Variants in RTKN2 observed in about 807,000 individuals in gnomAD.
RTKN2 encodes rhotekin 2, also known as rhotekin-2.
In RTKN2, 69 loss-of-function variants were observed where a neutral mutation model predicts 71.5. The observed-to-expected ratio is 0.96, with a 90% CI of 0.79 to 1.18. The LOEUF is 1.18. Among genes scored for constraint, RTKN2 ranks in the 50% most tolerant of loss-of-function variants. The pLI, the probability that RTKN2 is intolerant of heterozygous loss-of-function variation, is 0.00. For synonymous variants in RTKN2, 236 were observed against 236.5 expected (o/e 1.00, Z 0.02); for missense variants, 724 against 719.7 (o/e 1.01, Z -0.07).
intron 1 of RTKN2, among the ~76,000 whole-genome samples, chr10:62,263,519 T>C (rs1028436334): frequency 6.6e-6 from 1 of 152,162 alleles, no homozygotes; most frequent in African/African-American, 2.4e-5. Context: ...ATACAATAAC[T>C]AATGTGAACA....
intron 2 of RTKN2, chr10:62,259,205 C>G: frequency 4.4e-6 from 2 of 453,518 alleles, no homozygotes. Context: ...TTTGCTTCTC[C>G]TTCGCCTTCT....
In RTKN2 at chr10:62,268,622, A is replaced by G. The variant is rs1230773436; in HGVS notation, c.-12T>C. Reference sequence around the variant, plus strand: ...CTCGGCCCCTCCATCTCCAACGCGAACTGTCCGGGCCGTCGCCACTCCTTC... The same window carrying G: ...CTCGGCCCCTCCATCTCCAACGCGAGCTGTCCGGGCCGTCGCCACTCCTTC... On this transcript the variant is annotated 5_prime_UTR_variant, in exon 1 of 12. Coordinates refer to ENST00000373789, the MANE Select transcript of RTKN2 (RefSeq NM_145307.4). 1.9e-6 allele frequency: 3 copies of G among 1,556,008 alleles called. No individual in the cohort carries two copies. In the African/African-American group the frequency reaches 4.1e-5, roughly 21 times the overall value.
At chr10:62,209,710 G>C (rs1308141410) in intron 9 of RTKN2, among the ~76,000 whole-genome samples, 1 of 152,080 alleles carries the variant, frequency 6.6e-6, no homozygotes, top group Non-Finnish European at 1.5e-5. Flanking sequence ...GTGAGAAAAT[G>C]TGGTATTTGG....
intron 2 of RTKN2, among the ~76,000 whole-genome samples, chr10:62,256,976 G>T (rs1477624087): frequency 6.6e-6 from 1 of 152,020 alleles, no homozygotes; most frequent in Non-Finnish European, 1.5e-5. Flanking sequence ...AAAGTAACTG[G>T]TATATAATTA....
chr10:62,262,345 A>G (rs1369394290), intron 2 of RTKN2, among the ~76,000 whole-genome samples: 2 of 152,180 alleles, frequency 1.3e-5, no homozygotes, highest in African/African-American at 2.4e-5. Flanking sequence ...ATTTCTATCA[A>G]TATTGGTACT....
At chr10:62,230,666 C>T (rs145558921) in intron 6 of RTKN2, among the ~76,000 whole-genome samples, 93 of 152,190 alleles carry the variant, frequency 6.1e-4, no homozygotes, top group African/African-American at 2.1e-3. Context: ...TATTTTGTTC[C>T]ACATTTTCAG....
chr10:62,219,104 T>A (rs1841846541), intron 7 of RTKN2, among the ~76,000 whole-genome samples: 1 of 152,162 alleles, frequency 6.6e-6, no homozygotes, highest in African/African-American at 2.4e-5. Flanking sequence ...CATAAGCCAT[T>A]AGATAGAGCC....
At position 62,194,824 on chromosome 10, in the gene RTKN2, A is replaced by C; in HGVS notation, c.*3084T>G. ...TTTTTAATAAATAGTAGCAGGTAAA[A>C]TGCATTTAGTAAGATCCCAAAGGGT... On this transcript the variant is annotated 3_prime_UTR_variant, in exon 12 of 12. Transcript: ENST00000373789. The C allele has an allele frequency of 1.0e-6, 1 of 985,278 alleles. No homozygotes were observed. Among genetic ancestry groups the C allele is most frequent in the South Asian group, 4.7e-5 (1 of 21,288 alleles). The allele number at this position is 985,278 out of a possible 1,614,324, so 61.0% of individuals were successfully genotyped here.
downstream of RTKN2, among the ~76,000 whole-genome samples, chr10:62,192,324 C>T (rs921746899): frequency 6.6e-6 from 1 of 152,170 alleles, no homozygotes; most frequent in Non-Finnish European, 1.5e-5. Context: ...GCTGTACTCA[C>T]TCTCATTACA....
At chr10:62,266,877 A>G (rs1249332681) in intron 1 of RTKN2, among the ~76,000 whole-genome samples, 1 of 152,234 alleles carries the variant, frequency 6.6e-6, no homozygotes, top group Non-Finnish European at 1.5e-5. Flanking sequence ...TCAAGGTTGC[A>G]CAACAAGAAG....
intron 9 of RTKN2, among the ~76,000 whole-genome samples, chr10:62,205,719 G>A (rs1284011510): frequency 6.6e-6 from 1 of 152,126 alleles, no homozygotes; most frequent in Admixed American, 6.5e-5. Context: ...TTTTCTGAGT[G>A]ATACTAGAAT....
intron 1 of RTKN2, 43 bp downstream of exon 1, chr10:62,268,508 C>T (rs1261437494): frequency 2.0e-6 from 3 of 1,534,142 alleles, no homozygotes; most frequent in Admixed American, 2.0e-5. Flanking sequence ...AACAGAACCC[C>T]GGCTCCCTCA....
At chr10:62,264,429 AATTTCAAC>A (rs1842832726) in intron 1 of RTKN2, among the ~76,000 whole-genome samples, 1 of 152,226 alleles carries the variant, frequency 6.6e-6, no homozygotes, top group South Asian at 2.1e-4. Context: ...CACATGACTG[AATTTCAAC>A]AACTCCATTT....
At chr10:62,234,807 T>C (rs191226977) in intron 6 of RTKN2, among the ~76,000 whole-genome samples, 2 of 152,196 alleles carry the variant, frequency 1.3e-5, no homozygotes, top group Admixed American at 6.5e-5. Context: ...TTAAAAACCA[T>C]AGATAAAAGA....
At chr10:62,209,483 G>T (rs1473055856) in intron 9 of RTKN2, among the ~76,000 whole-genome samples, 1 of 151,982 alleles carries the variant, frequency 6.6e-6, no homozygotes, top group East Asian at 1.9e-4. Flanking sequence ...AAACTTTTAA[G>T]TTCAGGGGTA....
At chr10:62,245,404 G>A (rs1027339625) in intron 3 of RTKN2, among the ~76,000 whole-genome samples, 3 of 152,088 alleles carry the variant, frequency 2.0e-5, no homozygotes, top group Admixed American at 6.6e-5. Context: ...TGCTAAAGGC[G>A]ACAGCTTATG....
intron 9 of RTKN2, among the ~76,000 whole-genome samples, chr10:62,210,604 T>C (rs73281939): frequency 0.021 from 3,263 of 152,210 alleles, 110 homozygotes; most frequent in African/African-American, 0.076. Flanking sequence ...TAATCAGCAA[T>C]GAAGACAAAA....
At chr10:62,184,321 G>T in exon 9 of RTKN2, 1 of 1,525,778 alleles carries the variant, frequency 6.6e-7, no homozygotes, top group Non-Finnish European at 8.9e-7. Context: ...TATTTGAGAA[G>T]CTATGTGAAG....
chr10:62,255,040 A>G (rs945888265), intron 2 of RTKN2, among the ~76,000 whole-genome samples: 2 of 152,084 alleles, frequency 1.3e-5, no homozygotes. Context: ...TAACTGTAGA[A>G]CCTTAGTGGT....
Sources: gnomAD v4.1 joint callset for allele counts (sites outside exome capture counted in the v4.1 genomes callset) on GRCh38, gnomAD v4.1.1 for gene constraint, MANE v1.5 for transcripts, NCBI Gene and HGNC (gene_info 2026-07-23, HGNC 2026-07-21) for gene names.